Variants in IQSEC2 observed in about 807,000 individuals in gnomAD.
The protein encoded by IQSEC2 is IQ motif and SEC7 domain-containing protein 2.
In IQSEC2, 6 loss-of-function variants were observed where a neutral mutation model predicts 74.6. The ratio of observed to expected loss-of-function variants is 0.08; its 90% confidence interval spans 0.04 to 0.16. IQSEC2 has a LOEUF of 0.16. Ranked by LOEUF, IQSEC2 falls within the 10% of genes least tolerant of loss-of-function variation. The pLI, the probability that IQSEC2 is intolerant of heterozygous loss-of-function variation, is 1.00. For missense variants in IQSEC2, 734 were observed against 1,306.2 expected, an observed-to-expected ratio of 0.56 and a Z score of 6.75; for synonymous variants, 494 against 544.5, an observed-to-expected ratio of 0.91 and a Z score of 1.29.
At chrX:53,278,003 C>CTTTTTTTTTTT (rs36027805) in intron 2 of IQSEC2, among the ~76,000 whole-genome samples, 45 of 37,560 alleles carry the variant, frequency 1.2e-3, no homozygotes, top group East Asian at 2.8e-3. Context: ...TTTTCTTTTT[C>CTTTTTTTTTTT]TTTTTTTTTT....
chrX:53,248,005 T>C, intron 7 of IQSEC2, 109 bp downstream of exon 7: 1 of 947,976 alleles, frequency 1.1e-6, no homozygotes, highest in Non-Finnish European at 1.5e-6. Context: ...TTATCATCTC[T>C]GTTTTATGGT....
At chrX:53,308,649 T>C (rs1285597828) in intron 1 of IQSEC2, among the ~76,000 whole-genome samples, 1 of 110,666 alleles carries the variant, frequency 9.0e-6, no homozygotes, top group African/African-American at 3.3e-5. Context: ...GAAGGAGAGA[T>C]GGAGGGAAGG....
rs782768555 is a variant in IQSEC2, at chrX:53,268,348, G to A, written c.738-12287C>T. Among the ~76,000 whole-genome samples, 11 of 111,222 alleles carry A rather than the reference G, an allele frequency of 9.9e-5. No individual in the cohort carries two copies. In the South Asian group the frequency reaches 3.8e-3, roughly 39 times the overall value. On this transcript the variant is annotated intron_variant, in intron 2 of 14. Transcript: ENST00000642864. ...GACAAGCACACACACGCACGCACAC[G>A]CCTTTCTCAGACTCAGAGCTCCCTC...
intron 2 of IQSEC2, among the ~76,000 whole-genome samples, chrX:53,265,805 A>G (rs990305180): frequency 8.9e-6 from 1 of 112,220 alleles, no homozygotes; most frequent in Admixed American, 9.4e-5. Context: ...AAAGTTGTAG[A>G]ATCAGAACCT....
intron 2 of IQSEC2, chrX:53,266,707 C>T: frequency 1.1e-6 from 1 of 923,036 alleles, no homozygotes; most frequent in South Asian, 3.5e-5. Flanking sequence ...AAGCTCCAAG[C>T]TCTGCTTCTC....
intron 1 of IQSEC2, among the ~76,000 whole-genome samples, chrX:53,312,788 G>A (rs1243974487): frequency 8.9e-6 from 1 of 112,097 alleles, no homozygotes; most frequent in East Asian, 2.8e-4. Context: ...TTTCATCACA[G>A]ATATAATGAC....
chrX:53,239,052 C>A (rs2074178393), intron 11 of IQSEC2, 143 bp downstream of exon 11: 10 of 504,899 alleles, frequency 2.0e-5, no homozygotes. Flanking sequence ...TGGCCTGCCC[C>A]TCATCCTGGG....
At chrX:53,282,630 T>G (rs958102325) in intron 2 of IQSEC2, among the ~76,000 whole-genome samples, 1 of 111,964 alleles carries the variant, frequency 8.9e-6, no homozygotes, top group Non-Finnish European at 1.9e-5. Context: ...GGGCAGCTGG[T>G]TCCTCTCAAG....
intron 2 of IQSEC2, among the ~76,000 whole-genome samples, chrX:53,288,516 GCCTGGGCC>G (rs2075057452): frequency 9.0e-6 from 1 of 110,982 alleles, no homozygotes; most frequent in African/African-American, 3.3e-5. Flanking sequence ...GTGCCTCTAG[GCCTGGGCC>G]CCCTCATCTT....
intron 2 of IQSEC2, among the ~76,000 whole-genome samples, chrX:53,277,484 G>T (rs1415483430): frequency 9.1e-6 from 1 of 110,166 alleles, no homozygotes; most frequent in Non-Finnish European, 1.9e-5. Context: ...CTCCCAAAGT[G>T]GTGGGATTAC....
chrX:53,314,038 C>A (rs2075344326), intron 1 of IQSEC2, among the ~76,000 whole-genome samples: 1 of 112,006 alleles, frequency 8.9e-6, no homozygotes, highest in African/African-American at 3.2e-5. Context: ...GTTGCCCAGG[C>A]TGGAGTGCAG....
At position 53,247,187 on chromosome X, in the gene IQSEC2, T is replaced by TA. The variant is rs781964518; in HGVS notation, c.2583-53dup. On this transcript the variant is annotated intron_variant, in intron 7 of 14. Coordinates refer to ENST00000642864, the MANE Select transcript of IQSEC2 (RefSeq NM_001111125.3). ...GACTCAGGAACCAGCCATCTCTGCC[T>TA]ACCCACCATCCACCCAGTCTGGCAC... 31 of 1,120,975 alleles carry TA rather than the reference T, an allele frequency of 2.8e-5. 1 individual carries two copies. The Admixed American group carries it at 6.5e-4, about 24-fold the overall frequency. 92.4% of individuals were successfully genotyped at this position (1,120,975 alleles called of 1,213,427 possible).
chrX:53,306,310 C>T (rs1358280233), intron 1 of IQSEC2, among the ~76,000 whole-genome samples: 1 of 111,973 alleles, frequency 8.9e-6, no homozygotes, highest in Non-Finnish European at 1.9e-5. Context: ...ACAGAGAGGG[C>T]ACCCAGAGAG....
rs781902797 is a variant in IQSEC2, at chrX:53,233,987, G to A, written c.*232C>T. 1.5e-4 allele frequency: 44 copies of A among 300,125 alleles called. No individual in the cohort carries two copies. The South Asian group carries it at 7.0e-3, about 48-fold the overall frequency. 24.7% of individuals were successfully genotyped at this position (300,125 alleles called of 1,213,427 possible). ...AAGGCCCTCACCACTCCCCAGCGCT[G>A]GAGCACCCTGAGTCCAGGCTTCAAG... On this transcript the variant is annotated 3_prime_UTR_variant, in exon 15 of 15. Coordinates refer to ENST00000642864, the MANE Select transcript of IQSEC2 (RefSeq NM_001111125.3).
intron 2 of IQSEC2, among the ~76,000 whole-genome samples, chrX:53,280,995 C>A (rs1452135504): frequency 8.9e-6 from 1 of 112,392 alleles, no homozygotes; most frequent in African/African-American, 3.2e-5. Context: ...TTGAGGATGT[C>A]CAAATCTCAG....
At chrX:53,291,997 T>C in intron 1 of IQSEC2, 73 bp from the exon 2 acceptor site, 2 of 965,151 alleles carry the variant, frequency 2.1e-6, no homozygotes, top group Non-Finnish European at 2.9e-6. Flanking sequence ...CTAGGTAGAG[T>C]GGCTTTGGGG....
chrX:53,252,679 G>C (rs1286047250), intron 4 of IQSEC2, among the ~76,000 whole-genome samples: 1 of 111,774 alleles, frequency 8.9e-6, no homozygotes, highest in Admixed American at 9.5e-5. Flanking sequence ...CTCATGAAAG[G>C]CCCTGAACCA....
chrX:53,239,417 A>G (rs1027413450), intron 10 of IQSEC2, 123 bp from the exon 11 acceptor site: 28 of 462,170 alleles, frequency 6.1e-5, no homozygotes, highest in African/African-American at 5.9e-4. Context: ...ACACAAACAC[A>G]CATGCCCACA....
chrX:53,281,515 G>A (rs1246928776), intron 2 of IQSEC2: 5 of 1,151,135 alleles, frequency 4.3e-6, no homozygotes, highest in South Asian at 1.9e-5. Flanking sequence ...CTCCCGGGGG[G>A]CTCCATGGGT....
Sources: gnomAD v4.1 joint callset for allele counts (sites outside exome capture counted in the v4.1 genomes callset) on GRCh38, gnomAD v4.1.1 for gene constraint, MANE v1.5 for transcripts, NCBI Gene and HGNC (gene_info 2026-07-23, HGNC 2026-07-21) for gene names.